TIAM1: variants seen among roughly 807,000 people sequenced by gnomAD.
The protein encoded by TIAM1 is TIAM Rac1 associated GEF 1.
Under a neutral mutation model 163.5 loss-of-function variants are expected in TIAM1, and 65 were observed. That is an observed-to-expected ratio of 0.40 (90% CI 0.33 to 0.49). TIAM1 has a LOEUF of 0.49. Among genes scored for constraint, TIAM1 ranks in the 20% least tolerant of loss-of-function variants. The pLI is 0.77. For missense variants in TIAM1, 1,789 were observed against 2,044.7 expected, an observed-to-expected ratio of 0.87 and a Z score of 2.41; for synonymous variants, 833 against 810.1, an observed-to-expected ratio of 1.03 and a Z score of -0.48.
intron 2 of TIAM1, among the ~76,000 whole-genome samples, chr21:31,385,625 C>A: frequency 6.7e-6 from 1 of 150,058 alleles, no homozygotes; most frequent in African/African-American, 2.5e-5. Context: ...GGTAAGGTCC[C>A]AAAACTACAA....
chr21:31,270,349 A>G (rs1367379825), intron 3 of TIAM1, among the ~76,000 whole-genome samples: 1 of 152,196 alleles, frequency 6.6e-6, no homozygotes, highest in East Asian at 1.9e-4. Context: ...ACAGGCTGAA[A>G]TGCAAAAATT....
intron 2 of TIAM1, among the ~76,000 whole-genome samples, chr21:31,285,578 C>T (rs546213802): frequency 9.9e-5 from 15 of 152,208 alleles, no homozygotes; most frequent in African/African-American, 2.2e-4. Flanking sequence ...AGAGATTTCA[C>T]GCCAGGCATG....
chr21:31,496,843 ATT>A (rs1358247752), intron 1 of TIAM1, among the ~76,000 whole-genome samples: 2 of 149,780 alleles, frequency 1.3e-5, no homozygotes, highest in African/African-American at 4.9e-5. Context: ...TAGATGCACA[ATT>A]TTTCCATGGA....
chr21:31,124,546 C>T lies in TIAM1; in HGVS notation c.4282G>A (p.Ala1428Thr), dbSNP rs548772982. 6.8e-6 allele frequency: 11 copies of T among 1,613,290 alleles called. No individual in the cohort carries two copies. The highest frequency in any genetic ancestry group is 5.0e-5 in the Admixed American group (3 of 59,992). ...CCTGCCCTGCTCATGGCCGGCCTGG[C>T]CCCCTTCAGTGCACACAATCTTTTG... ...GGKRLCALKG[A>T]RPAMSRAVSA... is the part of the protein sequence containing the mutation. Residue 1428 changes from alanine (A) to threonine (T), a missense_variant, in exon 27 of 28, where the codon GCC becomes ACC. Physicochemically the swap from Ala to Thr is moderately conservative, Grantham distance 58 (BLOSUM62 0). Transcript: ENST00000541036.
rs755052450 is a variant in TIAM1, at chr21:31,252,023, T to C, written c.1130A>G (p.Asp377Gly). The C allele has an allele frequency of 2.5e-6, 4 of 1,613,902 alleles. No homozygotes were observed. Among genetic ancestry groups the C allele is most frequent in the South Asian group, 1.1e-5 (1 of 91,082 alleles). The change falls in exon 5 of 28, where the codon GAT (aspartate) becomes GGT (glycine). Residue 377 changes from aspartate to glycine, a missense_variant. By Grantham distance (94) the Asp-to-Gly change is moderately conservative. This residue lies in a region of TIAM1 where 555 missense variants were observed against 564.9 expected (regional missense o/e 0.98). Transcript: ENST00000541036. ...CTCGTACACCCCCTGACGAGCCGCA[T>C]CCCCGGTGGAGCTGCTGCCGCTGTC... The part of the protein sequence containing the change: ...GSDSGSSSTG[D>G]AARQGVYENF...
chr21:31,409,700 C>T (rs1212594916), intron 2 of TIAM1, among the ~76,000 whole-genome samples: 2 of 104,288 alleles, frequency 1.9e-5, no homozygotes, highest in East Asian at 6.1e-4. Flanking sequence ...ACCTCTGCCC[C>T]TCTCCATCTC....
chr21:31,299,817 GAAT>G (rs1485937294), intron 2 of TIAM1, among the ~76,000 whole-genome samples: 1 of 152,154 alleles, frequency 6.6e-6, no homozygotes, highest in East Asian at 1.9e-4. Context: ...GGTAAAATGG[GAAT>G]AATAAGAGTA....
chr21:31,355,476 C>T (rs2076300235), intron 2 of TIAM1, among the ~76,000 whole-genome samples: 4 of 152,158 alleles, frequency 2.6e-5, no homozygotes, highest in Admixed American at 2.6e-4. Flanking sequence ...CTCCACCCCT[C>T]ATCCCTGGCA....
chr21:31,341,955 G>C (rs1314533462), intron 1 of TIAM1, among the ~76,000 whole-genome samples: 1 of 152,058 alleles, frequency 6.6e-6, no homozygotes, highest in Non-Finnish European at 1.5e-5. Flanking sequence ...CAAGACTGAT[G>C]GGGAAAAGGT....
intron 15 of TIAM1, among the ~76,000 whole-genome samples, chr21:31,177,036 G>A (rs556514795): frequency 4.0e-4 from 61 of 152,318 alleles, no homozygotes; most frequent in Middle Eastern, 3.4e-3. Flanking sequence ...CTGAGGTGGC[G>A]TAGAAGGCAG....
In TIAM1 at chr21:31,124,660, C is replaced by T. The variant is rs2082124650; in HGVS notation, c.4168G>A (p.Val1390Met). 2.5e-6 allele frequency: 4 copies of T among 1,608,144 alleles called. No homozygotes were observed. The highest frequency in any genetic ancestry group is 3.4e-6 in the Non-Finnish European group (4 of 1,177,150). Residue 1390 changes from valine to methionine, a missense_variant, in exon 27 of 28, where the codon GTG becomes ATG. This residue lies in a region of TIAM1 where 415 missense variants were observed against 439.2 expected (regional missense o/e 0.94). Transcript: ENST00000541036. ...TGCTTATCACGCAGGATTGAATGCA[C>T]AGCCTTTAGGAAATCCTTTCGGCTC... ...PESRKDFLKA[V>M]HSILRDKHRR...
Position 31,317,806 on chromosome 21 carries a change from C to A in TIAM1, c.-189+21437G>T, listed in dbSNP as rs2075179608. ...AAAAAAACCCCAAAAAACAAACAAA[C>A]AAGAAAAACCCCACCACTGCTTAAC... On this transcript the variant is annotated intron_variant, in intron 2 of 27. Coordinates refer to ENST00000541036, the MANE Select transcript of TIAM1 (RefSeq NM_001353694.2). 3.3e-5 allele frequency among the ~76,000 whole-genome samples: 5 copies of A among 152,074 alleles called. 1 individual carries two copies. The South Asian group carries it at 1.0e-3, about 32-fold the overall frequency.
At chr21:31,319,652 C>T (rs1381054978) in intron 2 of TIAM1, among the ~76,000 whole-genome samples, 1 of 151,718 alleles carries the variant, frequency 6.6e-6, no homozygotes, top group Non-Finnish European at 1.5e-5. Context: ...TGGTGGCGGG[C>T]ACCTGTGGTC....
intron 1 of TIAM1, among the ~76,000 whole-genome samples, chr21:31,557,391 G>A (rs2123344230): frequency 6.6e-6 from 1 of 152,264 alleles, no homozygotes; most frequent in East Asian, 1.9e-4. Context: ...TTCATACGTG[G>A]CTGTCACTGT....
chr21:31,180,578 A>G (rs982887800), intron 15 of TIAM1, among the ~76,000 whole-genome samples: 1 of 152,206 alleles, frequency 6.6e-6, no homozygotes, highest in Non-Finnish European at 1.5e-5. Flanking sequence ...AAAAAAATCC[A>G]AAGAAAGTTG....
chr21:31,279,126 TATAAATAA>T (rs534750547), intron 2 of TIAM1, among the ~76,000 whole-genome samples: 1 of 151,698 alleles, frequency 6.6e-6, no homozygotes, highest in Non-Finnish European at 1.5e-5. Context: ...CAAAAAAATA[TATAAATAA>T]ATAAATAAAC....
chr21:31,483,832 C>A (rs1414602784), intron 1 of TIAM1, among the ~76,000 whole-genome samples: 1 of 151,896 alleles, frequency 6.6e-6, no homozygotes, highest in Non-Finnish European at 1.5e-5. Context: ...CCAAGCAGAT[C>A]CAAGGCAGCC....
chr21:31,442,057 GAACA>G, intron 2 of TIAM1, among the ~76,000 whole-genome samples: 2 of 25,700 alleles, frequency 7.8e-5, no homozygotes, highest in Non-Finnish European at 1.3e-4. Context: ...CCCTATCTCA[GAACA>G]AATAAATAAA....
Position 31,118,648 on chromosome 21 carries a change from A to C in TIAM1, c.*1720T>G, listed in dbSNP as rs1430697554. The C allele has an allele frequency of 2.1e-6, 1 of 471,274 alleles. No homozygotes were observed. The allele number at this position is 471,274 out of a possible 1,614,324, so 29.2% of individuals were successfully genotyped here. A position where few individuals can be genotyped will look rare whatever the true frequency, so the allele number is the denominator to read the frequency against. Reference sequence around the variant, plus strand: ...TGGAGCCAGTAAATGCGACGATTAGAAGCCTCTGCTTCCGTTTTCCATCTG... The same window carrying C: ...TGGAGCCAGTAAATGCGACGATTAGCAGCCTCTGCTTCCGTTTTCCATCTG... On this transcript the variant is annotated 3_prime_UTR_variant, in exon 28 of 28. Coordinates refer to ENST00000541036, the MANE Select transcript of TIAM1 (RefSeq NM_001353694.2).
Sources: allele counts gnomAD v4.1 joint callset (sites outside exome capture counted in the v4.1 genomes callset), GRCh38; gene constraint gnomAD v4.1.1; regional missense constraint gnomAD v4.1.1; transcripts MANE v1.5; gene names NCBI Gene and HGNC (gene_info 2026-07-23, HGNC 2026-07-21).